VMA12: variants seen among roughly 807,000 people sequenced by gnomAD.
VMA12 encodes the protein vacuolar ATPase assembly factor VMA12.
chr17:28,358,144 G>C, the VMA12 span: 1 of 528,620 alleles, frequency 1.9e-6, no homozygotes, highest in Non-Finnish European at 3.4e-6. Context: ...CCTTGAGAAA[G>C]TCTAGGTTTT....
chr17:28,360,502 G>T, the VMA12 span: 1 of 1,612,950 alleles, frequency 6.2e-7, no homozygotes, highest in South Asian at 1.1e-5. Flanking sequence ...CTTCTATTCT[G>T]AATCATCTTC....
chr17:28,361,407 ATCT>A, the VMA12 span: 30 of 646,220 alleles, frequency 4.6e-5, no homozygotes, highest in Middle Eastern at 3.3e-4. Context: ...GGGAGCCCTA[ATCT>A]TCTGTGAATT....
the VMA12 span, chr17:28,358,172 A>C: frequency 2.1e-6 from 1 of 468,004 alleles, no homozygotes; most frequent in Middle Eastern, 5.1e-4. Context: ...TACAAATATC[A>C]CAGGTTTTGT....
the VMA12 span, chr17:28,361,289 G>A: frequency 6.3e-7 from 1 of 1,597,662 alleles, no homozygotes; most frequent in South Asian, 1.1e-5. Flanking sequence ...AAGACTTTGG[G>A]GGCTTCAGGC....
the VMA12 span, chr17:28,360,301 C>A: frequency 5.5e-3 from 2,695 of 486,696 alleles, 59 homozygotes; most frequent in African/African-American, 0.047. Flanking sequence ...TACTCTATGG[C>A]ATGCTCCTAC....
the VMA12 span, chr17:28,358,058 G>T: frequency 1.5e-6 from 1 of 688,376 alleles, no homozygotes. Flanking sequence ...TCTCGTGGAT[G>T]ACAAATTTGC....
At chr17:28,359,840 G>A in the VMA12 span, among the ~76,000 whole-genome samples, 1 of 152,156 alleles carries the variant, frequency 6.6e-6, no homozygotes, top group East Asian at 1.9e-4. Context: ...AGGAGGCGGA[G>A]GCAGAGGCTG....
At chr17:28,362,409 C>G in the VMA12 span, 1 of 152,170 alleles carries the variant, frequency 6.6e-6, no homozygotes, top group Admixed American at 6.5e-5. Flanking sequence ...CACCTGTAAT[C>G]GTAGCATTTT....
chr17:28,361,353 CCA>C, the VMA12 span: 3 of 1,152,988 alleles, frequency 2.6e-6, no homozygotes, highest in South Asian at 1.3e-5. Flanking sequence ...GTATTCAGCT[CCA>C]GTTAGTCAGA....
the VMA12 span, chr17:28,359,517 C>A: frequency 3.2e-6 from 3 of 934,880 alleles, no homozygotes; most frequent in Non-Finnish European, 4.9e-6. Flanking sequence ...CTATACTGTT[C>A]AGGGACCATA....
the VMA12 span, chr17:28,359,636 C>CT: frequency 2.8e-6 from 1 of 353,990 alleles, no homozygotes; most frequent in Non-Finnish European, 5.3e-6. Context: ...CCGGGCACGG[C>CT]GCTCATGCCT....
the VMA12 span, chr17:28,361,003 T>C: frequency 1.1e-6 from 1 of 899,714 alleles, no homozygotes; most frequent in Non-Finnish European, 1.7e-6. Context: ...TCACGGGAGG[T>C]TAGGTAATAA....
chr17:28,359,068 C>A, the VMA12 span: 1 of 1,343,910 alleles, frequency 7.4e-7, no homozygotes, highest in Non-Finnish European at 1.0e-6. Flanking sequence ...TATAAATCAA[C>A]TTTTAGGCTT....
At chr17:28,360,392 A>G in the VMA12 span, 2 of 806,028 alleles carry the variant, frequency 2.5e-6, no homozygotes, top group Non-Finnish European at 4.0e-6. Flanking sequence ...GAAAAGAGTC[A>G]AAATGGTTCC....
At chr17:28,359,356 G>A in the VMA12 span, 2 of 1,614,046 alleles carry the variant, frequency 1.2e-6, no homozygotes, top group Non-Finnish European at 1.7e-6. Flanking sequence ...TTAAGATACA[G>A]CTGGCCAATG....
At chr17:28,358,327 G>A in the VMA12 span, 1 of 445,990 alleles carries the variant, frequency 2.2e-6, no homozygotes, top group Non-Finnish European at 4.7e-6. Context: ...GGCAAAAGCT[G>A]TGTTGAAAGA....
chr17:28,357,687 T>C, the VMA12 span: 3 of 1,612,568 alleles, frequency 1.9e-6, no homozygotes, highest in South Asian at 3.3e-5. Context: ...TCCTCTTTGC[T>C]TGCGGGCGAG....
the VMA12 span, chr17:28,359,422 A>G: frequency 0.057 from 91,464 of 1,612,918 alleles, 2,990 homozygotes; most frequent in Non-Finnish European, 0.065. Flanking sequence ...CATGCTCTTC[A>G]GTACGTGGTC....
chr17:28,359,046 A>ATAC, the VMA12 span: 1 of 1,452,326 alleles, frequency 6.9e-7, no homozygotes, highest in Non-Finnish European at 9.5e-7. Flanking sequence ...CTTATCCATG[A>ATAC]TACACTGAAC....
Sources: gnomAD v4.1 joint callset for allele counts (sites outside exome capture counted in the v4.1 genomes callset) on GRCh38, gnomAD v4.1.1 for gene constraint, MANE v1.5 for transcripts, NCBI Gene and HGNC (gene_info 2026-07-23, HGNC 2026-07-21) for gene names.